SLC16A9: variants seen among roughly 807,000 people sequenced by gnomAD.
SLC16A9 encodes the protein monocarboxylate transporter 9.
A neutral mutation model predicts 44.3 loss-of-function variants in SLC16A9; 26 were observed. The observed-to-expected ratio is 0.59, with a 90% CI of 0.43 to 0.81. SLC16A9 has a LOEUF of 0.81. SLC16A9 is among the 40% of genes least tolerant of loss of function. The pLI, the probability that SLC16A9 is intolerant of heterozygous loss-of-function variation, is 0.00. For synonymous variants in SLC16A9, 230 were observed against 225.1 expected (o/e 1.02, Z -0.19); for missense variants, 559 against 595.8 (o/e 0.94, Z 0.64).
At chr10:59,675,505 A>G (rs1232618596) in intron 2 of SLC16A9, among the ~76,000 whole-genome samples, 3 of 152,234 alleles carry the variant, frequency 2.0e-5, no homozygotes, top group Non-Finnish European at 2.9e-5. Flanking sequence ...AATTGGCCAC[A>G]GCCAACACCA....
At position 59,650,861 on chromosome 10, in the gene SLC16A9, AT is replaced by A. The variant is rs1839180040; in HGVS notation, c.*1910del. On this transcript the variant is annotated 3_prime_UTR_variant, in exon 6 of 6. Transcript: ENST00000395348. ...ATGTTATTTAGCAGACATAGTGAAGATGCCTTTGGACAATTATCAGCATTGA... is the reference window on the plus strand; with the variant it reads ...ATGTTATTTAGCAGACATAGTGAAGAGCCTTTGGACAATTATCAGCATTGA... 6.6e-6 allele frequency: 1 copy of A among 152,216 alleles called. No individual in the cohort carries two copies. The highest frequency in any genetic ancestry group is 1.5e-5 in the Non-Finnish European group (1 of 68,036). 9.4% of individuals were successfully genotyped at this position (152,216 alleles called of 1,614,324 possible).
chr10:59,672,945 TCA>T, intron 2 of SLC16A9, 32 bp from the exon 3 acceptor site: 1 of 1,578,682 alleles, frequency 6.3e-7, no homozygotes, highest in East Asian at 2.2e-5. Flanking sequence ...TCACTTATTA[TCA>T]TATGATCCAT....
chr10:59,665,089 C>T (rs938951552), intron 3 of SLC16A9, among the ~76,000 whole-genome samples: 2 of 152,140 alleles, frequency 1.3e-5, no homozygotes, highest in African/African-American at 4.8e-5. Context: ...CTTCCTGAAT[C>T]CTAAGGGTAA....
chr10:59,687,729 G>T (rs1354375710), intron 1 of SLC16A9, among the ~76,000 whole-genome samples: 1 of 152,124 alleles, frequency 6.6e-6, no homozygotes, highest in Non-Finnish European at 1.5e-5. Context: ...AACTTCAGGA[G>T]GCCAAGGAAT....
At chr10:59,669,861 A>T (rs1156954292) in intron 3 of SLC16A9, among the ~76,000 whole-genome samples, 1 of 152,182 alleles carries the variant, frequency 6.6e-6, no homozygotes, top group Admixed American at 6.5e-5. Context: ...ATCTATACTG[A>T]TATGGTATCA....
intron 1 of SLC16A9, among the ~76,000 whole-genome samples, chr10:59,706,612 A>G (rs1447609580): frequency 1.0e-5 from 1 of 98,368 alleles, no homozygotes; most frequent in Non-Finnish European, 2.2e-5. Context: ...AAGTGGATGA[A>G]TGGATGAAGA....
chr10:59,684,630 C>T (rs1341558603), intron 1 of SLC16A9, among the ~76,000 whole-genome samples: 1 of 152,058 alleles, frequency 6.6e-6, no homozygotes. Context: ...CAGAGAACCA[C>T]TAATTTTAGT....
chr10:59,679,817 C>G (rs531222268), intron 2 of SLC16A9, among the ~76,000 whole-genome samples: 1 of 152,284 alleles, frequency 6.6e-6, no homozygotes, highest in East Asian at 1.9e-4. Context: ...AAATCCAGGC[C>G]TCTGCATAAA....
At chr10:59,688,882 G>C (rs1006635823) in intron 1 of SLC16A9, among the ~76,000 whole-genome samples, 5 of 151,800 alleles carry the variant, frequency 3.3e-5, no homozygotes, top group African/African-American at 7.3e-5. Flanking sequence ...GCGGGCAATG[G>C]GGGAGGATGA....
At chr10:59,686,819 T>C (rs1840144820) in intron 1 of SLC16A9, among the ~76,000 whole-genome samples, 1 of 152,236 alleles carries the variant, frequency 6.6e-6, no homozygotes, top group Admixed American at 6.5e-5. Flanking sequence ...ATTTATTGGC[T>C]GTCTCTGTTA....
At chr10:59,696,835 A>C (rs1188121306) in intron 1 of SLC16A9, among the ~76,000 whole-genome samples, 15 of 137,814 alleles carry the variant, frequency 1.1e-4, no homozygotes, top group African/African-American at 1.1e-4. Flanking sequence ...CGGCAGCCAC[A>C]CCGTCTGAGA....
At chr10:59,687,659 T>C (rs1024487714) in intron 1 of SLC16A9, among the ~76,000 whole-genome samples, 1 of 152,184 alleles carries the variant, frequency 6.6e-6, no homozygotes, top group Non-Finnish European at 1.5e-5. Flanking sequence ...GGTAACCAAA[T>C]GGTGTTTACT....
chr10:59,692,544 T>C (rs948119332), intron 1 of SLC16A9, among the ~76,000 whole-genome samples: 1 of 152,242 alleles, frequency 6.6e-6, no homozygotes, highest in Non-Finnish European at 1.5e-5. Flanking sequence ...AATGGATCAG[T>C]TTTATCATGT....
Position 59,651,488 on chromosome 10 carries a change from G to A in SLC16A9, c.*1284C>T, listed in dbSNP as rs573352335. On this transcript the variant is annotated 3_prime_UTR_variant, in exon 6 of 6. Coordinates refer to ENST00000395348, the MANE Select transcript of SLC16A9 (RefSeq NM_194298.3). ...TTATCAGAATCACTTGAAGAGCTCAGTAAAATTATAGATGTTTGGGCAACA... is the reference window on the plus strand; with the variant it reads ...TTATCAGAATCACTTGAAGAGCTCAATAAAATTATAGATGTTTGGGCAACA... The A allele has an allele frequency of 1.1e-4, 16 of 152,216 alleles. No homozygotes were observed. The South Asian group carries it at 3.3e-3, about 32-fold the overall frequency. 9.4% of individuals were successfully genotyped at this position (152,216 alleles called of 1,614,324 possible).
intron 3 of SLC16A9, among the ~76,000 whole-genome samples, chr10:59,671,779 C>CT (rs34567437): frequency 0.12 from 18,835 of 152,206 alleles, 1,360 homozygotes; most frequent in Non-Finnish European, 0.16. Context: ...CTGAGCATCT[C>CT]TAAGTATCAA....
At chr10:59,666,455 TA>T (rs1839620723) in intron 3 of SLC16A9, among the ~76,000 whole-genome samples, 1 of 152,166 alleles carries the variant, frequency 6.6e-6, no homozygotes, top group African/African-American at 2.4e-5. Flanking sequence ...CCTATTTTTA[TA>T]ATAATACTAA....
intron 1 of SLC16A9, among the ~76,000 whole-genome samples, chr10:59,696,816 C>G (rs1453214840): frequency 1.3e-5 from 2 of 150,176 alleles, no homozygotes; most frequent in African/African-American, 4.9e-5. Context: ...AGTGAGAAGC[C>G]CCTCCGCCCG....
intron 4 of SLC16A9, among the ~76,000 whole-genome samples, chr10:59,659,250 G>T (rs1169205541): frequency 6.6e-6 from 1 of 152,162 alleles, no homozygotes; most frequent in African/African-American, 2.4e-5. Context: ...ACGTAGGTCA[G>T]TGAGAGGTAT....
chr10:59,672,979 T>C, intron 2 of SLC16A9, 66 bp from the exon 3 acceptor site: 1 of 1,481,550 alleles, frequency 6.7e-7, no homozygotes, highest in Admixed American at 2.2e-5. Context: ...TCAAAATGAT[T>C]CTTTCCACCA....
Sources: allele counts gnomAD v4.1 joint callset (sites outside exome capture counted in the v4.1 genomes callset), GRCh38; gene constraint gnomAD v4.1.1; transcripts MANE v1.5; gene names NCBI Gene and HGNC (gene_info 2026-07-23, HGNC 2026-07-21).